EPHB1: variants seen among roughly 807,000 people sequenced by gnomAD.
EPHB1 encodes the protein ephrin type-B receptor 1.
Under a neutral mutation model 94.4 loss-of-function variants are expected in EPHB1, and 30 were observed. The ratio of observed to expected loss-of-function variants is 0.32; its 90% confidence interval spans 0.24 to 0.43. The LOEUF is 0.43. Ranked by LOEUF, EPHB1 falls within the 20% of genes least tolerant of loss-of-function variation. EPHB1 has a pLI of 1.00. For missense variants in EPHB1, 1,055 were observed against 1,308.3 expected, an observed-to-expected ratio of 0.81 and a Z score of 2.99; for synonymous variants, 522 against 489.1, an observed-to-expected ratio of 1.07 and a Z score of -0.89.
At chr3:134,941,565 T>G (rs2039116193) in intron 2 of EPHB1, among the ~76,000 whole-genome samples, 2 of 152,242 alleles carry the variant, frequency 1.3e-5, no homozygotes, top group Non-Finnish European at 2.9e-5. Context: ...TGGTTCCAAA[T>G]GACTTTTGCC....
rs114564103 is a variant in EPHB1, at chr3:135,126,103, C to T, written c.962-6611C>T. On this transcript the variant is annotated intron_variant, in intron 4 of 15. Transcript: ENST00000398015. ...ACCACAGTCTCTCCCACCATCCATA[C>T]GCCTGATATCATTTTCTGGTCACCC... Among the ~76,000 whole-genome samples, 714 of 152,272 alleles carry T rather than the reference C, an allele frequency of 4.7e-3. 2 individuals are homozygous for T. Among genetic ancestry groups the T allele is most frequent in the Middle Eastern group, 0.024 (7 of 294 alleles).
At chr3:135,048,029 A>T (rs1379526364) in intron 3 of EPHB1, among the ~76,000 whole-genome samples, 1 of 152,046 alleles carries the variant, frequency 6.6e-6, no homozygotes, top group African/African-American at 2.4e-5. Context: ...GCAGATATTG[A>T]CCACACTGGC....
At chr3:135,012,034 G>A (rs1208633073) in intron 3 of EPHB1, among the ~76,000 whole-genome samples, 1 of 152,134 alleles carries the variant, frequency 6.6e-6, no homozygotes, top group African/African-American at 2.4e-5. Flanking sequence ...CCATGCCAGA[G>A]AGAGTCTGTC....
intron 2 of EPHB1, among the ~76,000 whole-genome samples, chr3:134,939,870 C>A (rs2107709093): frequency 6.6e-6 from 1 of 152,340 alleles, no homozygotes; most frequent in East Asian, 1.9e-4. Context: ...GTGGCAGCAA[C>A]TGTTTGCAAA....
intron 1 of EPHB1, among the ~76,000 whole-genome samples, chr3:134,894,495 C>T (rs1411699525): frequency 2.0e-5 from 3 of 152,212 alleles, no homozygotes; most frequent in African/African-American, 4.8e-5. Context: ...CTCGTGTGCC[C>T]ATTTCTTCTC....
At chr3:135,176,734 G>A (rs1941988637) in intron 9 of EPHB1, among the ~76,000 whole-genome samples, 2 of 152,020 alleles carry the variant, frequency 1.3e-5, no homozygotes, top group Non-Finnish European at 2.9e-5. Context: ...AACTGATTGG[G>A]GCCAATATCT....
chr3:135,208,016 A>G (rs139858694), intron 12 of EPHB1, among the ~76,000 whole-genome samples: 3,260 of 152,264 alleles, frequency 0.021, 50 homozygotes, highest in South Asian at 0.04. Flanking sequence ...GGACTTAAAC[A>G]TATGAATTTG....
chr3:135,203,324 T>G (rs1455061379), intron 12 of EPHB1, among the ~76,000 whole-genome samples: 2 of 152,108 alleles, frequency 1.3e-5, no homozygotes, highest in African/African-American at 2.4e-5. Context: ...GATGATGGGT[T>G]AATGGGTGCA....
intron 5 of EPHB1, among the ~76,000 whole-genome samples, chr3:135,151,717 T>C (rs1177532778): frequency 6.6e-6 from 1 of 152,174 alleles, no homozygotes; most frequent in Non-Finnish European, 1.5e-5. Flanking sequence ...TAGATACTAC[T>C]AAGTTGCAGG....
chr3:134,937,857 C>A (rs2039035222), intron 2 of EPHB1, among the ~76,000 whole-genome samples: 1 of 151,468 alleles, frequency 6.6e-6, no homozygotes, highest in Non-Finnish European at 1.5e-5. Flanking sequence ...GCAATAATGG[C>A]AGCTGAATAC....
intron 9 of EPHB1, among the ~76,000 whole-genome samples, chr3:135,174,597 T>A (rs893557657): frequency 6.6e-6 from 1 of 152,224 alleles, no homozygotes; most frequent in Non-Finnish European, 1.5e-5. Flanking sequence ...AAGAAACTTG[T>A]GAACTTTGTT....
At chr3:135,132,588 G>A in intron 4 of EPHB1, 126 bp from the exon 5 acceptor site, 1 of 739,242 alleles carries the variant, frequency 1.4e-6, no homozygotes, top group Non-Finnish European at 2.2e-6. Flanking sequence ...TAGCCATTTG[G>A]GGTTGAGGAA....
intron 5 of EPHB1, among the ~76,000 whole-genome samples, chr3:135,143,124 G>A (rs907309907): frequency 5.3e-5 from 8 of 151,932 alleles, no homozygotes; most frequent in African/African-American, 1.9e-4. Context: ...GAGGGAAGGA[G>A]GTGGGTACAG....
chr3:135,107,629 G>T (rs1450258902), intron 4 of EPHB1, among the ~76,000 whole-genome samples: 1 of 152,144 alleles, frequency 6.6e-6, no homozygotes, highest in Non-Finnish European at 1.5e-5. Context: ...CATCACAGAA[G>T]AATATTTCAT....
chr3:135,122,461 G>T (rs1264467586), intron 4 of EPHB1, among the ~76,000 whole-genome samples: 2 of 152,096 alleles, frequency 1.3e-5, no homozygotes, highest in African/African-American at 2.4e-5. Context: ...GCAGCATATT[G>T]TACCTTTCCA....
rs1395878132 is a variant in EPHB1, at chr3:135,132,803, C to T, written c.1051C>T (p.Arg351Trp). The change falls in exon 5 of 16, where the codon CGG (arginine) becomes TGG (tryptophan). Residue 351 changes from arginine (R) to tryptophan (W), a missense_variant. Arg to Trp is a moderately radical substitution (Grantham distance 101). Coordinates refer to ENST00000398015, the MANE Select transcript of EPHB1 (RefSeq NM_004441.5). ...GCACCCTCCAAGGGAGACAGGTGGG[C>T]GGGATGATGTGACCTACAACATCAT... Reference protein sequence around the residue: ...EWHPPRETGGRDDVTYNIICK... With the variant: ...EWHPPRETGGWDDVTYNIICK... 5 of 1,613,930 alleles carry T rather than the reference C, an allele frequency of 3.1e-6. No individual in the cohort carries two copies. Among genetic ancestry groups the T allele is most frequent in the Non-Finnish European group, 3.4e-6 (4 of 1,179,858 alleles).
intron 3 of EPHB1, among the ~76,000 whole-genome samples, chr3:135,050,121 T>G (rs529710157): frequency 1.3e-5 from 2 of 152,344 alleles, no homozygotes; most frequent in South Asian, 4.1e-4. Context: ...AAAGGCAAGT[T>G]AGAGGAAATG....
At chr3:134,926,930 T>C (rs1283428670) in intron 2 of EPHB1, among the ~76,000 whole-genome samples, 2 of 152,182 alleles carry the variant, frequency 1.3e-5, no homozygotes, top group African/African-American at 2.4e-5. Flanking sequence ...GGATGGACTA[T>C]GGCAGGAATG....
chr3:134,974,045 G>A (rs1934086785), intron 3 of EPHB1, among the ~76,000 whole-genome samples: 1 of 152,158 alleles, frequency 6.6e-6, no homozygotes, highest in Non-Finnish European at 1.5e-5. Context: ...AGAGTGCTGT[G>A]AAGTGATATA....
Sources: gnomAD v4.1 joint callset for allele counts (sites outside exome capture counted in the v4.1 genomes callset) on GRCh38, gnomAD v4.1.1 for gene constraint, MANE v1.5 for transcripts, NCBI Gene and HGNC (gene_info 2026-07-23, HGNC 2026-07-21) for gene names.